Variants in KIAA1217 observed in about 807,000 individuals in gnomAD.
The protein encoded by KIAA1217 is sickle tail protein homolog.
In KIAA1217, 88 loss-of-function variants were observed where a neutral mutation model predicts 163.9. That is an observed-to-expected ratio of 0.54 (90% CI 0.45 to 0.64). The LOEUF (loss-of-function observed/expected upper bound fraction) is 0.64, where lower values mean the gene tolerates loss of function less well. KIAA1217 is among the 30% of genes least tolerant of loss of function. The probability of loss-of-function intolerance (pLI) is 0.00; values close to 1 mark genes in which losing one functional copy is unlikely to be tolerated. For missense variants in KIAA1217, 2,372 were observed against 2,475.0 expected (o/e 0.96, Z 0.88); for synonymous variants, 903 against 923.1 (o/e 0.98, Z 0.39).
intron 2 of KIAA1217, among the ~76,000 whole-genome samples, chr10:24,068,069 T>C (rs2061036852): frequency 6.6e-6 from 1 of 152,220 alleles, no homozygotes; most frequent in Non-Finnish European, 1.5e-5. Context: ...GGAAAGGGAA[T>C]TCCCTGACCC....
At chr10:24,006,505 G>A (rs2131477216) in intron 1 of KIAA1217, among the ~76,000 whole-genome samples, 1 of 152,258 alleles carries the variant, frequency 6.6e-6, no homozygotes, top group East Asian at 1.9e-4. Flanking sequence ...CCACAGCATA[G>A]AAATCTACCA....
At chr10:23,813,349 T>C (rs1281213979) in intron 1 of KIAA1217, among the ~76,000 whole-genome samples, 1 of 152,090 alleles carries the variant, frequency 6.6e-6, no homozygotes, top group East Asian at 1.9e-4. Flanking sequence ...ATTTGCAAAA[T>C]AAATAATTCC....
intron 8 of KIAA1217, among the ~76,000 whole-genome samples, chr10:24,496,443 TA>T (rs1359069584): frequency 6.6e-6 from 1 of 152,254 alleles, no homozygotes; most frequent in Non-Finnish European, 1.5e-5. Flanking sequence ...TACTAAATAC[TA>T]AAAGCTCCCA....
intron 1 of KIAA1217, among the ~76,000 whole-genome samples, chr10:23,758,272 G>A (rs1350162233): frequency 6.6e-6 from 1 of 152,102 alleles, no homozygotes; most frequent in African/African-American, 2.4e-5. Flanking sequence ...TCTTTTGCAT[G>A]TGAATATCAA....
chr10:24,481,302 A>G (rs535098129), intron 6 of KIAA1217: 2 of 152,348 alleles, frequency 1.3e-5, no homozygotes, highest in African/African-American at 4.8e-5. Context: ...CTTCGGAGTT[A>G]CAAATGCCTA....
At chr10:24,280,944 C>T (rs1022053106) in intron 2 of KIAA1217, among the ~76,000 whole-genome samples, 32 of 152,078 alleles carry the variant, frequency 2.1e-4, no homozygotes, top group African/African-American at 7.7e-4. Flanking sequence ...AATATCAACA[C>T]ATGTGAAGGT....
At chr10:24,531,217 T>A (rs1220976286) in intron 14 of KIAA1217, among the ~76,000 whole-genome samples, 2 of 152,034 alleles carry the variant, frequency 1.3e-5, no homozygotes, top group African/African-American at 4.8e-5. Context: ...ATAAAAAAAA[T>A]TAAAAAATTT....
At chr10:23,950,769 A>C (rs1404735888) in intron 1 of KIAA1217, among the ~76,000 whole-genome samples, 1 of 152,114 alleles carries the variant, frequency 6.6e-6, no homozygotes, top group Non-Finnish European at 1.5e-5. Flanking sequence ...GAAAAACTGT[A>C]TATTTTACTT....
intron 12 of KIAA1217, among the ~76,000 whole-genome samples, chr10:24,522,787 G>A (rs2071481823): frequency 6.6e-6 from 1 of 152,220 alleles, no homozygotes; most frequent in African/African-American, 2.4e-5. Flanking sequence ...CTTGAGGTCA[G>A]GAGTTGGAGA....
chr10:24,284,215 T>C (rs1694410251), intron 2 of KIAA1217, among the ~76,000 whole-genome samples: 1 of 152,152 alleles, frequency 6.6e-6, no homozygotes, highest in Non-Finnish European at 1.5e-5. Context: ...GCTGAGCATC[T>C]TTTCTTTTTT....
At chr10:23,890,935 A>C (rs1351192911) in intron 1 of KIAA1217, among the ~76,000 whole-genome samples, 3 of 151,948 alleles carry the variant, frequency 2.0e-5, no homozygotes, top group Non-Finnish European at 4.4e-5. Context: ...GTGCATATGC[A>C]TTTAGAATTG....
At chr10:23,761,019 G>A (rs1343236172) in intron 1 of KIAA1217, among the ~76,000 whole-genome samples, 2 of 152,164 alleles carry the variant, frequency 1.3e-5, no homozygotes, top group Non-Finnish European at 2.9e-5. Flanking sequence ...GGAGGATGAG[G>A]TGGGAGGATC....
intron 7 of KIAA1217, chr10:24,494,913 G>A (rs564504702): frequency 1.2e-5 from 7 of 579,308 alleles, no homozygotes; most frequent in South Asian, 6.5e-5. Context: ...GCGTGTCCAC[G>A]TCGCCATCAT....
rs1423899251 is a variant in KIAA1217, at chr10:24,010,072, T to C, written c.-171+2698T>C. ...TTGCATACTTGATCAATTACAGTGATAGCTAAAGAAACATTTTCTCAAATG... is the reference window on the plus strand; with the variant it reads ...TTGCATACTTGATCAATTACAGTGACAGCTAAAGAAACATTTTCTCAAATG... On this transcript the variant is annotated intron_variant, in intron 2 of 18. Coordinates refer to the KIAA1217 transcript ENST00000376462. Among the ~76,000 whole-genome samples, 4 of 152,284 alleles carry C rather than the reference T, an allele frequency of 2.6e-5. No individual in the cohort carries two copies. In the East Asian group the frequency reaches 7.7e-4, roughly 29 times the overall value.
intron 5 of KIAA1217, among the ~76,000 whole-genome samples, chr10:24,469,826 G>A (rs559562065): frequency 3.3e-5 from 5 of 152,282 alleles, no homozygotes; most frequent in Non-Finnish European, 7.4e-5. Flanking sequence ...TGGCCAGGCT[G>A]GTCTCGAACT....
intron 5 of KIAA1217, among the ~76,000 whole-genome samples, chr10:24,455,915 GTCT>G (rs2061739041): frequency 6.6e-6 from 1 of 152,182 alleles, no homozygotes; most frequent in Non-Finnish European, 1.5e-5. Flanking sequence ...TGAGACACGA[GTCT>G]CCCTCTGTTG....
At chr10:24,052,787 A>T (rs1380942808) in intron 2 of KIAA1217, among the ~76,000 whole-genome samples, 1 of 152,086 alleles carries the variant, frequency 6.6e-6, no homozygotes, top group African/African-American at 2.4e-5. Flanking sequence ...TTATATTGTT[A>T]TATGCTATAT....
intron 8 of KIAA1217, among the ~76,000 whole-genome samples, chr10:24,500,397 C>CGTGTGTGTGT (rs10667719): frequency 7.2e-5 from 9 of 125,854 alleles, no homozygotes; most frequent in South Asian, 2.9e-4. Flanking sequence ...AGAGTGTGTG[C>CGTGTGTGTGT]GTGTGTGTGT....
chr10:24,379,086 A>T (rs377215805), intron 2 of KIAA1217, among the ~76,000 whole-genome samples: 1 of 151,662 alleles, frequency 6.6e-6, no homozygotes, highest in Non-Finnish European at 1.5e-5. Flanking sequence ...TTAAAGTAAT[A>T]TTATTTCTTG....
Sources: allele counts gnomAD v4.1 joint callset (sites outside exome capture counted in the v4.1 genomes callset), GRCh38; gene constraint gnomAD v4.1.1; transcripts MANE v1.5; gene names NCBI Gene and HGNC (gene_info 2026-07-23, HGNC 2026-07-21).